Variants in SH2D2A observed in about 807,000 individuals in gnomAD.
SH2D2A encodes SH2 domain containing 2A.
A neutral mutation model predicts 43.6 loss-of-function variants in SH2D2A; 33 were observed. The observed-to-expected ratio is 0.76, with a 90% CI of 0.57 to 1.01. The LOEUF is 1.01. Among genes scored for constraint, SH2D2A ranks in the 50% least tolerant of loss-of-function variants. SH2D2A has a pLI of 0.00. For synonymous variants in SH2D2A, 212 were observed against 206.1 expected (o/e 1.03, Z -0.25); for missense variants, 491 against 503.1 (o/e 0.98, Z 0.23).
chr1:156,815,281 C>A, intron 2 of SH2D2A, 60 bp from the exon 3 acceptor site: 1 of 1,291,626 alleles, frequency 7.7e-7, no homozygotes, highest in Non-Finnish European at 1.0e-6. Flanking sequence ...CTTCTCCTGA[C>A]TTTGATCCAC....
intron 7 of SH2D2A, among the ~76,000 whole-genome samples, chr1:156,808,970 G>A (rs772248742): frequency 6.6e-6 from 1 of 152,160 alleles, no homozygotes; most frequent in Non-Finnish European, 1.5e-5. Context: ...GAGATAGGAG[G>A]GCATGGGGGC....
intron 1 of SH2D2A, among the ~76,000 whole-genome samples, 173 bp downstream of exon 1, chr1:156,816,502 G>A (rs147756955): frequency 2.4e-3 from 366 of 152,330 alleles, no homozygotes; most frequent in African/African-American, 8.3e-3. Context: ...TCAGGGATGA[G>A]TGGGCATGGA....
rs1051930273 is a variant in SH2D2A, at chr1:156,816,544, T to C, written c.34+131A>G. On this transcript the variant is annotated intron_variant, in intron 1 of 8. Coordinates refer to ENST00000368199, the MANE Select transcript of SH2D2A (RefSeq NM_003975.4). Reference sequence around the variant, plus strand: ...GGCAGGGTTGTGGTCACCCTGCCAATCAGCTTTGCCAGCTCTGGCTTAGGG... The same window carrying C: ...GGCAGGGTTGTGGTCACCCTGCCAACCAGCTTTGCCAGCTCTGGCTTAGGG... 10 of 776,346 alleles carry C rather than the reference T, an allele frequency of 1.3e-5. No individual in the cohort carries two copies. In the South Asian group the frequency reaches 1.9e-4, roughly 14 times the overall value. The allele number at this position is 776,346 out of a possible 1,614,324, so 48.1% of individuals were successfully genotyped here.
chr1:156,815,576 C>T, intron 2 of SH2D2A: 1 of 624,142 alleles, frequency 1.6e-6, no homozygotes, highest in Non-Finnish European at 2.9e-6. Flanking sequence ...CAGGAAGTCA[C>T]CCTAGAGGCC....
chr1:156,814,417 G>A lies in SH2D2A; in HGVS notation c.309-123C>T. On this transcript the variant is annotated intron_variant, in intron 3 of 8. Transcript: ENST00000368199. Reference sequence around the variant, plus strand: ...AGCATGCTGGAGCGGCTAGAGAAAGGCTAGGGCGGAGATGGGGAGAGAGAG... The same window carrying A: ...AGCATGCTGGAGCGGCTAGAGAAAGACTAGGGCGGAGATGGGGAGAGAGAG... The A allele has an allele frequency of 3.4e-6, 5 of 1,487,522 alleles. No homozygotes were observed. The South Asian group carries it at 6.7e-5, about 20-fold the overall frequency. 92.1% of individuals were successfully genotyped at this position (1,487,522 alleles called of 1,614,324 possible). A position where few individuals can be genotyped will look rare whatever the true frequency, so the allele number is the denominator to read the frequency against.
chr1:156,807,473 C>G lies in SH2D2A; in HGVS notation c.1003-128G>C. The G allele has an allele frequency of 6.6e-6, 5 of 753,026 alleles. No homozygotes were observed. The highest frequency in any genetic ancestry group is 6.2e-6 in the Non-Finnish European group (3 of 483,972). 46.6% of individuals were successfully genotyped at this position (753,026 alleles called of 1,614,324 possible). On this transcript the variant is annotated intron_variant, in intron 7 of 8. Coordinates refer to ENST00000368199, the MANE Select transcript of SH2D2A (RefSeq NM_003975.4). This position sits in a 1 kb window ranked among gnomAD's most constrained non-coding sequence, Gnocchi z 5.1. ...AGAGGGTATCTAAACTCCTCTCATT[C>G]ATTAATTCAACAAACATCTCCTGAG... is the stretch of plus-strand genomic sequence containing the variant.
rs1210758621 is a variant in SH2D2A, at chr1:156,813,856, C to T, written c.559G>A (p.Ala187Thr). The change falls in exon 5 of 9, where the codon GCC becomes ACC. Residue 187 changes from alanine to threonine, a missense_variant. Coordinates refer to ENST00000368199, the MANE Select transcript of SH2D2A (RefSeq NM_003975.4). ...PYGETLTEPL[A>T]RQTPEPAGLS... ...GGGTCTGGGGCGCGTACCTGTCGGG[C>T]GAGGGGCTCGGTGAGCGTCTCCCCG... 6.7e-7 allele frequency: 1 copy of T among 1,491,050 alleles called. No homozygotes were observed. Among genetic ancestry groups the T allele is most frequent in the Admixed American group, 2.1e-5 (1 of 46,724 alleles). The allele number at this position is 1,491,050 out of a possible 1,614,324, so 92.4% of individuals were successfully genotyped here. A position where few individuals can be genotyped will look rare whatever the true frequency, so the allele number is the denominator to read the frequency against.
At position 156,809,912 on chromosome 1, in the gene SH2D2A, G is replaced by A; in HGVS notation, c.568-105C>T. 7.5e-7 allele frequency: 1 copy of A among 1,327,328 alleles called. No homozygotes were observed. Among genetic ancestry groups the A allele is most frequent in the Non-Finnish European group, 1.1e-6 (1 of 950,340 alleles). The allele number at this position is 1,327,328 out of a possible 1,614,324, so 82.2% of individuals were successfully genotyped here. ...GTCTAAGTGGAGGATGGGGGAAGGGGGAGGAGCACAGAAATTTGGCCTGGG... is the reference window on the plus strand; with the variant it reads ...GTCTAAGTGGAGGATGGGGGAAGGGAGAGGAGCACAGAAATTTGGCCTGGG... On this transcript the variant is annotated intron_variant, in intron 5 of 8. Coordinates refer to ENST00000368199, the MANE Select transcript of SH2D2A (RefSeq NM_003975.4). This position sits in a 1 kb window ranked among gnomAD's most constrained non-coding sequence, Gnocchi z 4.8.
rs978669320 is a variant in SH2D2A, at chr1:156,814,504, C to G, written c.309-210G>C. On this transcript the variant is annotated intron_variant, in intron 3 of 8. Transcript: ENST00000368199. Reference sequence around the variant, plus strand: ...GTGGACAGGGGCCAGGGGTCCCATTCAGGAGACCCCCGCATCCTCCCCTGG... The same window carrying G: ...GTGGACAGGGGCCAGGGGTCCCATTGAGGAGACCCCCGCATCCTCCCCTGG... 44 of 886,390 alleles carry G rather than the reference C, an allele frequency of 5.0e-5. No homozygotes were observed. The African/African-American group carries it at 7.5e-4, about 15-fold the overall frequency. The allele number at this position is 886,390 out of a possible 1,614,324, so 54.9% of individuals were successfully genotyped here.
At position 156,813,884 on chromosome 1, in the gene SH2D2A, G is replaced by T. The variant is rs1467660023; in HGVS notation, c.531C>A (p.Pro177=). 1 of 1,533,304 alleles carries T rather than the reference G, an allele frequency of 6.5e-7. No homozygotes were observed. The highest frequency in any genetic ancestry group is 1.2e-5 in the South Asian group (1 of 83,420). 95.0% of individuals were successfully genotyped at this position (1,533,304 alleles called of 1,614,324 possible). A position where few individuals can be genotyped will look rare whatever the true frequency, so the allele number is the denominator to read the frequency against. Residue 177 remains proline (P), a synonymous_variant, in exon 5 of 9, where the codon CCC becomes CCA. Coordinates refer to ENST00000368199, the MANE Select transcript of SH2D2A (RefSeq NM_003975.4). ...LLHYTAHPLS[P]YGETLTEPLA... is the part of the protein sequence containing the mutation. ...GGGGCTCGGTGAGCGTCTCCCCGTA[G>T]GGGCTGAGCGGGTGCGCGGTGTAGT...
In SH2D2A at chr1:156,807,675, G is replaced by T. The variant is rs78557999; in HGVS notation, c.1003-330C>A. On this transcript the variant is annotated intron_variant, in intron 7 of 8. Transcript: ENST00000368199. This position sits in a 1 kb window ranked among gnomAD's most constrained non-coding sequence, Gnocchi z 5.1. ...GGCAGGTGTGTGTAAGGCACAGGGG[G>T]TGGCCTCTGAGAAGGGAAAGCTGGT... 0.025 allele frequency among the ~76,000 whole-genome samples: 3,756 copies of T among 152,314 alleles called. 157 individuals are homozygous for T. Among genetic ancestry groups the T allele is most frequent in the African/African-American group, 0.086 (3,576 of 41,560 alleles).
rs763505397 is a variant in SH2D2A at position 156,809,421 on chromosome 1, T to A, written c.784A>T (p.Ile262Phe). 1 of 1,613,356 alleles carries A rather than the reference T, an allele frequency of 6.2e-7. No homozygotes were observed. The highest frequency in any genetic ancestry group is 8.5e-7 in the Non-Finnish European group (1 of 1,179,914). ...KPQLPPEVYT[I>F]PVPRHRPAPR... ...GCCGGGCGGTGTCGTGGAACAGGGA[T>A]TGTGTAGACTTCTGGGGGCAGCTGA... The change falls in exon 7 of 9, where the codon ATC (isoleucine) becomes TTC (phenylalanine). Residue 262 changes from isoleucine to phenylalanine, a missense_variant. By Grantham distance (21) the Ile-to-Phe change is conservative. Coordinates refer to ENST00000368199, the MANE Select transcript of SH2D2A (RefSeq NM_003975.4). The surrounding 1 kb of genome is among the most constrained non-coding windows in gnomAD (Gnocchi z 4.8).
Position 156,814,234 on chromosome 1 carries a change from C to T in SH2D2A, c.369G>A (p.Glu123=), listed in dbSNP as rs1218666247. 3 of 1,613,960 alleles carry T rather than the reference C, an allele frequency of 1.9e-6. No individual in the cohort carries two copies. Among genetic ancestry groups the T allele is most frequent in the Non-Finnish European group, 2.5e-6 (3 of 1,179,974 alleles). The change falls in exon 4 of 9, where the codon GAG becomes GAA. Residue 123 remains glutamate, a synonymous_variant. Coordinates refer to ENST00000368199, the MANE Select transcript of SH2D2A (RefSeq NM_003975.4). ...PQGCYLVRFS[E]SAVTFVLTYR... ...AAGTCAGCACGAAGGTCACCGCGCT[C>T]TCGCTGAACCGCACCAAGTAGCACC...
In SH2D2A at chr1:156,815,989, C is replaced by T; in HGVS notation, c.123+17G>A. The T allele has an allele frequency of 1.2e-6, 2 of 1,613,086 alleles. No individual in the cohort carries two copies. Among genetic ancestry groups the T allele is most frequent in the Non-Finnish European group, 1.7e-6 (2 of 1,179,426 alleles). ...TGAGGGAGCTGCACCACGCTGCCGC[C>T]CCAGGTTTCCACTCACCGCAGTGTA... On this transcript the variant is annotated intron_variant, in intron 2 of 8. Coordinates refer to ENST00000368199, the MANE Select transcript of SH2D2A (RefSeq NM_003975.4).
intron 2 of SH2D2A, 78 bp downstream of exon 2, chr1:156,815,928 A>G: frequency 6.2e-7 from 1 of 1,610,106 alleles, no homozygotes; most frequent in Non-Finnish European, 8.5e-7. Flanking sequence ...GCCTTTGTCC[A>G]TCTGCAAGTC....
chr1:156,809,894 T>G lies in SH2D2A; in HGVS notation c.568-87A>C. ...GGAGGACAAAATAATCCAGTCTAAG[T>G]GGAGGATGGGGGAAGGGGGAGGAGC... On this transcript the variant is annotated intron_variant, in intron 5 of 8. Coordinates refer to ENST00000368199, the MANE Select transcript of SH2D2A (RefSeq NM_003975.4). The surrounding 1 kb of genome is among the most constrained non-coding windows in gnomAD (Gnocchi z 4.8). 3 of 1,451,922 alleles carry G rather than the reference T, an allele frequency of 2.1e-6. No homozygotes were observed. The highest frequency in any genetic ancestry group is 2.4e-5 in the East Asian group (1 of 41,920). The allele number at this position is 1,451,922 out of a possible 1,614,324, so 89.9% of individuals were successfully genotyped here. A position where few individuals can be genotyped will look rare whatever the true frequency, so the allele number is the denominator to read the frequency against.
chr1:156,814,496 G>A, intron 3 of SH2D2A: 1 of 1,013,252 alleles, frequency 9.9e-7, no homozygotes, highest in Non-Finnish European at 1.4e-6. Flanking sequence ...GGGGCCAGGG[G>A]TCCCATTCAG....
At position 156,816,078 on chromosome 1, in the gene SH2D2A, G is replaced by C; in HGVS notation, c.51C>G (p.Pro17=). The change falls in exon 2 of 9, where the codon CCC becomes CCG. Residue 17 remains proline, a synonymous_variant. Coordinates refer to ENST00000368199, the MANE Select transcript of SH2D2A (RefSeq NM_003975.4). ...QICPQGSHEA[P]IPTFSTFQIT... is the part of the protein sequence containing the mutation. ...TCTGGAAGGTGCTGAAGGTTGGGAT[G>C]GGGGCTTCGTGACTCCCTGTGAGCA... The C allele has an allele frequency of 6.2e-7, 1 of 1,613,782 alleles. No homozygotes were observed. The highest frequency in any genetic ancestry group is 8.5e-7 in the Non-Finnish European group (1 of 1,179,784).
chr1:156,807,452 G>T lies in SH2D2A; in HGVS notation c.1003-107C>A. 1.1e-6 allele frequency: 1 copy of T among 952,196 alleles called. No individual in the cohort carries two copies. Among genetic ancestry groups the T allele is most frequent in the Admixed American group, 3.1e-5 (1 of 32,702 alleles). 59.0% of individuals were successfully genotyped at this position (952,196 alleles called of 1,614,324 possible). On this transcript the variant is annotated intron_variant, in intron 7 of 8. Transcript: ENST00000368199. The surrounding 1 kb of genome is among the most constrained non-coding windows in gnomAD (Gnocchi z 5.1). ...TGAACAGACTTTGGCTTCCAGAGAG[G>T]GTATCTAAACTCCTCTCATTCATTA...
Sources: gnomAD v4.1 joint callset for allele counts (sites outside exome capture counted in the v4.1 genomes callset) on GRCh38, gnomAD v4.1.1 for gene constraint, Gnocchi (gnomAD v3.1) non-coding constraint, MANE v1.5 for transcripts, NCBI Gene and HGNC (gene_info 2026-07-23, HGNC 2026-07-21) for gene names.